The following PEMT variants were observed in gnomAD, a reference collection of about 807,000 sequenced individuals.
The protein encoded by PEMT is phosphatidylethanolamine N-methyltransferase, also known as phospholipid methyltransferase.
PEMT carries 23 observed loss-of-function variants against 27.4 expected under a neutral mutation model. The observed-to-expected ratio is 0.84, with a 90% CI of 0.60 to 1.19. The LOEUF (loss-of-function observed/expected upper bound fraction) is 1.19, where lower values mean the gene tolerates loss of function less well. Ranked by LOEUF, PEMT falls within the 50% of genes most tolerant of loss-of-function variation. The pLI is 0.00. For missense variants in PEMT, 307 were observed against 310.1 expected (o/e 0.99, Z 0.07); for synonymous variants, 137 against 139.1 (o/e 0.98, Z 0.11).
rs70963034 is a variant in PEMT at position 17,515,187 on chromosome 17, A to G, written c.321-2533T>C. 9.6e-3 allele frequency among the ~76,000 whole-genome samples: 1,464 copies of G among 152,274 alleles called. 12 individuals carry two copies. Among genetic ancestry groups the G allele is most frequent in the Non-Finnish European group, 0.016 (1,103 of 67,988 alleles). On this transcript the variant is annotated intron_variant, in intron 3 of 6. Transcript: ENST00000255389. ...AGGCCTGGGTCCATACCCCATGCTC[A>G]GGGTTCCTCTGCCAGAATTCATCTG...
At chr17:17,577,155 GT>G in intron 1 of PEMT, 128 bp from the exon 2 acceptor site, 1 of 699,870 alleles carries the variant, frequency 1.4e-6, no homozygotes. Flanking sequence ...TCCGGCAAAG[GT>G]TACTACAGTG....
chr17:17,535,004 G>A (rs12941371), intron 2 of PEMT, among the ~76,000 whole-genome samples: 73,573 of 151,496 alleles, frequency 0.49, 18,128 homozygotes, highest in Non-Finnish European at 0.54. Context: ...TCTGCCTCCC[G>A]GATTCAAGCA....
intron 2 of PEMT, among the ~76,000 whole-genome samples, chr17:17,574,559 G>A (rs1269427921): frequency 6.6e-6 from 1 of 152,136 alleles, no homozygotes; most frequent in Non-Finnish European, 1.5e-5. Context: ...GACCTCAGGT[G>A]ATCCACCCAC....
At chr17:17,568,941 G>A (rs1011964010) in intron 2 of PEMT, among the ~76,000 whole-genome samples, 1 of 152,160 alleles carries the variant, frequency 6.6e-6, no homozygotes, top group Non-Finnish European at 1.5e-5. Flanking sequence ...GCCAGTACCA[G>A]CCAGCAGGTC....
At chr17:17,567,402 G>C (rs1910899394) in intron 2 of PEMT, among the ~76,000 whole-genome samples, 1 of 152,290 alleles carries the variant, frequency 6.6e-6, no homozygotes, top group South Asian at 2.1e-4. Context: ...GCAGCACACA[G>C]AGTAATGCTG....
upstream of PEMT, chr17:17,591,924 G>C (rs539515028): frequency 8.4e-5 from 83 of 985,452 alleles, no homozygotes; most frequent in Non-Finnish European, 9.9e-5. Flanking sequence ...CTCCCGCCCA[G>C]TGCCTTTGGT....
chr17:17,506,044 T>G (rs1905805005), intron 6 of PEMT, among the ~76,000 whole-genome samples, 183 bp downstream of exon 6: 1 of 152,166 alleles, frequency 6.6e-6, no homozygotes. Context: ...AGGGGCCGGC[T>G]GCCTGCTGGG....
intron 2 of PEMT, among the ~76,000 whole-genome samples, chr17:17,528,646 G>A (rs1463932702): frequency 6.6e-6 from 1 of 152,200 alleles, no homozygotes; most frequent in Non-Finnish European, 1.5e-5. Context: ...CAGGGAGTCT[G>A]CCCATGACTC....
chr17:17,525,431 C>A (rs1346603357), intron 2 of PEMT, among the ~76,000 whole-genome samples: 1 of 152,244 alleles, frequency 6.6e-6, no homozygotes, highest in Admixed American at 6.5e-5. Flanking sequence ...CTGGCAGCAC[C>A]ACCGTGTCCT....
chr17:17,544,161 A>G (rs902367499), intron 2 of PEMT, among the ~76,000 whole-genome samples: 1 of 152,222 alleles, frequency 6.6e-6, no homozygotes, highest in Non-Finnish European at 1.5e-5. Flanking sequence ...CTGACAATCC[A>G]CGAGGAAAGA....
chr17:17,522,799 G>A (rs1466197893), intron 2 of PEMT, among the ~76,000 whole-genome samples: 3 of 152,162 alleles, frequency 2.0e-5, no homozygotes, highest in Admixed American at 2.0e-4. Flanking sequence ...CAGCAGAACT[G>A]CCAGAGGAGC....
intron 1 of PEMT, among the ~76,000 whole-genome samples, chr17:17,589,865 CACCCTGACCCGA>C (rs1267238635): frequency 1.3e-5 from 2 of 152,220 alleles, no homozygotes; most frequent in Non-Finnish European, 2.9e-5. Flanking sequence ...CAACAAGGGT[CACCCTGACCCGA>C]ACCCCAGCCC....
At chr17:17,553,096 G>A (rs866467993) in intron 2 of PEMT, among the ~76,000 whole-genome samples, 9 of 152,338 alleles carry the variant, frequency 5.9e-5, no homozygotes, top group African/African-American at 1.2e-4. Flanking sequence ...GGGGGATTAG[G>A]AAGGCTTTGC....
At chr17:17,535,695 G>T (rs532111023) in intron 2 of PEMT, among the ~76,000 whole-genome samples, 5 of 152,340 alleles carry the variant, frequency 3.3e-5, no homozygotes, top group Middle Eastern at 3.4e-3. Flanking sequence ...AAGCAGACAG[G>T]AGTGAAGGGG....
At chr17:17,516,224 G>A (rs989615860) in intron 3 of PEMT, among the ~76,000 whole-genome samples, 24 of 151,954 alleles carry the variant, frequency 1.6e-4, no homozygotes, top group South Asian at 1.0e-3. Flanking sequence ...GCTACACGAC[G>A]CTAGCCATGA....
intron 4 of PEMT, among the ~76,000 whole-genome samples, chr17:17,510,915 C>G (rs890539437): frequency 1.3e-5 from 2 of 152,186 alleles, no homozygotes; most frequent in Admixed American, 6.5e-5. Flanking sequence ...TTGCACAGCC[C>G]GGAGTCCCCC....
chr17:17,562,502 T>C (rs1001151898), intron 2 of PEMT, among the ~76,000 whole-genome samples: 3 of 152,218 alleles, frequency 2.0e-5, no homozygotes, highest in Non-Finnish European at 2.9e-5. Flanking sequence ...TTGGGGAACA[T>C]GTGCCTTCGA....
chr17:17,515,704 T>C (rs367686939), intron 3 of PEMT, among the ~76,000 whole-genome samples: 14 of 152,172 alleles, frequency 9.2e-5, no homozygotes, highest in African/African-American at 3.4e-4. Context: ...GCACAGTCCG[T>C]CCATTCCACA....
At chr17:17,577,383 T>G in intron 1 of PEMT, 214 of 812,348 alleles carry the variant, frequency 2.6e-4, no homozygotes, top group Non-Finnish European at 3.1e-4. Context: ...CCCAAGCAGC[T>G]GAGATAAATG....
Sources: gnomAD v4.1 joint callset for allele counts (sites outside exome capture counted in the v4.1 genomes callset) on GRCh38, gnomAD v4.1.1 for gene constraint, MANE v1.5 for transcripts, NCBI Gene and HGNC (gene_info 2026-07-23, HGNC 2026-07-21) for gene names.